MTMR8: variants seen among roughly 807,000 people sequenced by gnomAD.
MTMR8 encodes phosphatidylinositol-3,5-bisphosphate 3-phosphatase MTMR8.
MTMR8 carries 65 observed loss-of-function variants against 39.3 expected under a neutral mutation model. The ratio of observed to expected loss-of-function variants is 1.65; its 90% CI spans 1.35 to 2.03. The LOEUF (loss-of-function observed/expected upper bound fraction) is 2.03. MTMR8 is among the 30% of genes most tolerant of loss of function. MTMR8 has a pLI of 0.00. For synonymous variants in MTMR8, 245 were observed against 185.2 expected (o/e 1.32, Z -2.62); for missense variants, 777 against 538.9 (o/e 1.44, Z -4.37).
At chrX:64,294,374 C>T (rs999509447) in intron 12 of MTMR8, among the ~76,000 whole-genome samples, 4 of 111,584 alleles carry the variant, frequency 3.6e-5, no homozygotes, top group Non-Finnish European at 7.5e-5. Context: ...CTATGGGATA[C>T]TCAAATAGCC....
rs753478498 is a variant in MTMR8, at chrX:64,369,766, T to A, written c.25-10239A>T. Among the ~76,000 whole-genome samples, 441 of 110,162 alleles carry A rather than the reference T, an allele frequency of 4.0e-3. 1 individual carries two copies. Among genetic ancestry groups the A allele is most frequent in the African/African-American group, 0.011 (325 of 30,368 alleles). On this transcript the variant is annotated intron_variant, in intron 1 of 13. Transcript: ENST00000374852. Reference sequence around the variant, plus strand: ...TACCCTAGAACTTAAAGTATAATTTTAAAAAAAAATTATCCAGTCTCAGGT... The same window carrying A: ...TACCCTAGAACTTAAAGTATAATTTAAAAAAAAAATTATCCAGTCTCAGGT...
intron 12 of MTMR8, among the ~76,000 whole-genome samples, chrX:64,317,654 G>T (rs1440059911): frequency 8.9e-6 from 1 of 111,965 alleles, no homozygotes; most frequent in East Asian, 2.8e-4. Flanking sequence ...CCTTTTTTCA[G>T]TTGTTAGTTT....
intron 12 of MTMR8, among the ~76,000 whole-genome samples, chrX:64,320,864 T>C (rs1192933697): frequency 9.0e-6 from 1 of 111,452 alleles, no homozygotes; most frequent in Non-Finnish European, 1.9e-5. Flanking sequence ...TTGAAGATAA[T>C]ACACCAACAA....
chrX:64,352,980 C>T (rs771768541), intron 4 of MTMR8, among the ~76,000 whole-genome samples: 1 of 111,773 alleles, frequency 8.9e-6, no homozygotes, highest in South Asian at 3.8e-4. Flanking sequence ...TCACGAAGCG[C>T]TTTATGATAT....
rs1004010727 is a variant in MTMR8 at position 64,386,384 on chromosome X, G to A, written c.24+8956C>T. ...AGCTATAGAAAGGAGGGAGCAAGGT[G>A]GGACAAGGCCAGAGAAGGATTAAAC... On this transcript the variant is annotated intron_variant, in intron 1 of 13. Transcript: ENST00000374852. 3.6e-5 allele frequency among the ~76,000 whole-genome samples: 4 copies of A among 112,097 alleles called. No homozygotes were observed. In the South Asian group the frequency reaches 1.5e-3, roughly 42 times the overall value.
At chrX:64,340,220 G>A (rs953760057) in intron 8 of MTMR8, among the ~76,000 whole-genome samples, 3 of 111,757 alleles carry the variant, frequency 2.7e-5, no homozygotes, top group African/African-American at 6.5e-5. Context: ...GGAGTTAAAA[G>A]TACAGAGGTT....
intron 12 of MTMR8, among the ~76,000 whole-genome samples, chrX:64,284,355 A>G (rs773008148): frequency 5.3e-5 from 6 of 112,389 alleles, no homozygotes; most frequent in African/African-American, 1.9e-4. Flanking sequence ...TGATTGGTGT[A>G]CCTGACAGTG....
intron 1 of MTMR8, among the ~76,000 whole-genome samples, chrX:64,393,496 C>A (rs1368079437): frequency 4.5e-5 from 5 of 111,959 alleles, no homozygotes; most frequent in African/African-American, 1.6e-4. Flanking sequence ...TCTGCCTCCC[C>A]ATCTTCCCCA....
At chrX:64,381,507 T>C (rs1217477507) in intron 1 of MTMR8, among the ~76,000 whole-genome samples, 31 of 108,534 alleles carry the variant, frequency 2.9e-4, no homozygotes, top group Non-Finnish European at 5.0e-4. Flanking sequence ...GATATTAGCC[T>C]TTTGTCAGAT....
At chrX:64,373,900 C>A (rs756636457) in intron 1 of MTMR8, among the ~76,000 whole-genome samples, 20 of 111,516 alleles carry the variant, frequency 1.8e-4, no homozygotes, top group African/African-American at 5.9e-4. Context: ...TGGTACAGCA[C>A]TGGGCTCAAA....
At chrX:64,340,322 A>C (rs965227325) in intron 8 of MTMR8, among the ~76,000 whole-genome samples, 1 of 112,373 alleles carries the variant, frequency 8.9e-6, no homozygotes, top group Non-Finnish European at 1.9e-5. Flanking sequence ...AGAATGTTTG[A>C]TAAGTTGTAC....
chrX:64,395,422 T>G lies in MTMR8; in HGVS notation c.-59A>C. ...CTACTCCAGATGCCGCCGCCACCGG[T>G]CTAGCCGCCTCCTGCCTCAACCCGG... On this transcript the variant is annotated 5_prime_UTR_variant, in exon 1 of 14. Transcript: ENST00000374852. 8.7e-7 allele frequency: 1 copy of G among 1,152,312 alleles called. No individual in the cohort carries two copies. The highest frequency in any genetic ancestry group is 2.4e-4 in the Middle Eastern group (1 of 4,169). 95.0% of individuals were successfully genotyped at this position (1,152,312 alleles called of 1,213,427 possible). A position where few individuals can be genotyped will look rare whatever the true frequency, so the allele number is the denominator to read the frequency against.
At chrX:64,368,017 G>A (rs1270900421) in intron 1 of MTMR8, among the ~76,000 whole-genome samples, 1 of 111,659 alleles carries the variant, frequency 9.0e-6, no homozygotes, top group Non-Finnish European at 1.9e-5. Flanking sequence ...ATGCTACAAA[G>A]AGAATAAAAT....
intron 12 of MTMR8, chrX:64,305,159 G>T: frequency 9.5e-6 from 2 of 209,504 alleles, no homozygotes; most frequent in South Asian, 1.7e-4. Flanking sequence ...GAAGAGAACT[G>T]AGCAATCATC....
chrX:64,372,931 C>T (rs1449705206), intron 1 of MTMR8, among the ~76,000 whole-genome samples: 1 of 111,545 alleles, frequency 9.0e-6, no homozygotes, highest in Non-Finnish European at 1.9e-5. Context: ...CATTGTCAGA[C>T]AAATAACTCT....
At chrX:64,285,756 G>A (rs947410985) in intron 12 of MTMR8, among the ~76,000 whole-genome samples, 4 of 111,292 alleles carry the variant, frequency 3.6e-5, no homozygotes, top group African/African-American at 1.3e-4. Flanking sequence ...AGGCAGAAAT[G>A]AAGATGTTCT....
intron 12 of MTMR8, among the ~76,000 whole-genome samples, chrX:64,289,232 T>C (rs1921312844): frequency 9.0e-6 from 1 of 110,550 alleles, no homozygotes; most frequent in Non-Finnish European, 1.9e-5. Context: ...CCCATTAGAA[T>C]GGCTACTATC....
At chrX:64,380,799 G>C (rs986431001) in intron 1 of MTMR8, among the ~76,000 whole-genome samples, 2 of 111,105 alleles carry the variant, frequency 1.8e-5, no homozygotes, top group African/African-American at 6.6e-5. Context: ...CTGTGTCCAT[G>C]TGTTCTCATT....
chrX:64,332,796 C>A (rs1242801742), intron 10 of MTMR8, among the ~76,000 whole-genome samples: 1 of 111,719 alleles, frequency 9.0e-6, no homozygotes, highest in Non-Finnish European at 1.9e-5. Context: ...TCTACTCCAG[C>A]CTTTTGAATC....
Sources: gnomAD v4.1 joint callset for allele counts (sites outside exome capture counted in the v4.1 genomes callset) on GRCh38, gnomAD v4.1.1 for gene constraint, MANE v1.5 for transcripts, NCBI Gene and HGNC (gene_info 2026-07-23, HGNC 2026-07-21) for gene names.